The following TRIM58 variants were observed in gnomAD, a reference collection of about 807,000 sequenced individuals.
TRIM58 encodes tripartite motif containing 58, also known as E3 ubiquitin-protein ligase TRIM58.
TRIM58 carries 38 observed loss-of-function variants against 34.1 expected under a neutral mutation model. The ratio of observed to expected loss-of-function variants is 1.12; its 90% CI spans 0.86 to 1.46. The LOEUF is 1.46. Ranked by LOEUF, TRIM58 falls within the 40% of genes most tolerant of loss-of-function variation. The probability of loss-of-function intolerance (pLI) is 0.00; values close to 1 mark genes in which losing one functional copy is unlikely to be tolerated. For missense variants in TRIM58, 677 were observed against 642.0 expected (o/e 1.05, Z -0.59); for synonymous variants, 273 against 275.7 (o/e 0.99, Z 0.10).
intron 2 of TRIM58, among the ~76,000 whole-genome samples, chr1:247,864,428 A>G (rs1202807635): frequency 6.6e-6 from 1 of 152,128 alleles, no homozygotes; most frequent in East Asian, 1.9e-4. Flanking sequence ...CATTTTGTAT[A>G]TGGTACTGAA....
chr1:247,871,244 G>A (rs935822806), intron 5 of TRIM58, among the ~76,000 whole-genome samples: 4 of 152,192 alleles, frequency 2.6e-5, no homozygotes, highest in Admixed American at 1.3e-4. Context: ...CCTCCTAAAA[G>A]TAATCAATAT....
rs1013953155 is a variant in TRIM58, at chr1:247,860,704, A to C, written c.508A>C (p.Ile170Leu). Residue 170 changes from isoleucine to leucine, a missense_variant, in exon 2 of 6, where the codon ATT becomes CTT. By Grantham distance (5) the Ile-to-Leu change is conservative. Coordinates refer to ENST00000366481, the MANE Select transcript of TRIM58 (RefSeq NM_015431.4). ...GGCCAACGTGGGGAAAAAGACTGTC[A>C]TTTGGAAGGTAAGACCATGTTGGGG... Reference protein sequence around the residue: ...QEANVGKKTVIWKEKVEMQRQ... With the variant: ...QEANVGKKTVLWKEKVEMQRQ... 6.2e-7 allele frequency: 1 copy of C among 1,612,962 alleles called. No homozygotes were observed. The highest frequency in any genetic ancestry group is 1.3e-5 in the African/African-American group (1 of 74,882).
chr1:247,868,207 C>A, intron 5 of TRIM58, 144 bp downstream of exon 5: 1 of 650,518 alleles, frequency 1.5e-6, no homozygotes, highest in Admixed American at 2.8e-5. Flanking sequence ...GCTGCAGTGA[C>A]CAACAGAACC....
intron 1 of TRIM58, among the ~76,000 whole-genome samples, chr1:247,858,013 T>C (rs1327581965): frequency 6.6e-6 from 1 of 152,250 alleles, no homozygotes; most frequent in African/African-American, 2.4e-5. Flanking sequence ...TCATTCTTGG[T>C]AACAATTGTA....
At chr1:247,875,784 A>C in intron 5 of TRIM58, 116 bp from the exon 6 acceptor site, 1 of 777,106 alleles carries the variant, frequency 1.3e-6, no homozygotes, top group Non-Finnish European at 2.0e-6. Context: ...TGTTTTCTCT[A>C]GGAGTTAATA....
At position 247,857,435 on chromosome 1, in the gene TRIM58, C is replaced by T. The variant is rs1037562015; in HGVS notation, c.189C>T (p.Pro63=). Residue 63 remains proline (P), a synonymous_variant, in exon 1 of 6, where the codon CCC becomes CCT. Coordinates refer to ENST00000366481, the MANE Select transcript of TRIM58 (RefSeq NM_015431.4). ...ACGCCTGTCCGCAGTGCCGGGGCCC[C>T]TTCCGGCCCTCGGGCTTTCGCCCCA... ...GVYACPQCRG[P]FRPSGFRPNR... 3.1e-5 allele frequency: 45 copies of T among 1,452,764 alleles called. No homozygotes were observed. In the African/African-American group the frequency reaches 6.4e-4, roughly 21 times the overall value. The allele number at this position is 1,452,764 out of a possible 1,614,324, so 90.0% of individuals were successfully genotyped here.
intron 5 of TRIM58, among the ~76,000 whole-genome samples, chr1:247,872,318 T>C (rs1004008319): frequency 6.6e-6 from 1 of 152,158 alleles, no homozygotes; most frequent in African/African-American, 2.4e-5. Flanking sequence ...GAGATGATTA[T>C]GTGTTGGAAT....
rs1336896742 is a variant in TRIM58, at chr1:247,880,041, C to T, written c.*3552C>T. 6.6e-6 allele frequency among the ~76,000 whole-genome samples: 1 copy of T among 152,020 alleles called. No homozygotes were observed. The highest frequency in any genetic ancestry group is 1.9e-4 in the East Asian group (1 of 5,164). ...CTTTGTCTGTTGACAATGATACATT[C>T]AATGTTTCTCAAGCACCCCCAATGC... is the stretch of plus-strand genomic sequence containing the variant. On this transcript the variant is annotated 3_prime_UTR_variant, in exon 6 of 6. Coordinates refer to ENST00000366481, the MANE Select transcript of TRIM58 (RefSeq NM_015431.4).
At chr1:247,861,733 A>G (rs1440736908) in intron 2 of TRIM58, among the ~76,000 whole-genome samples, 3 of 152,082 alleles carry the variant, frequency 2.0e-5, no homozygotes, top group Non-Finnish European at 2.9e-5. Context: ...TATTACATAA[A>G]GACTTTTTAA....
rs752173361 is a variant in TRIM58 at position 247,876,057 on chromosome 1, AG to A, written c.1032del (p.Arg345GlyfsTer16). 6.2e-7 allele frequency: 1 copy of A among 1,614,180 alleles called. No homozygotes were observed. Among genetic ancestry groups the A allele is most frequent in the Non-Finnish European group, 8.5e-7 (1 of 1,180,030 alleles). On this transcript the variant is annotated frameshift_variant, in exon 6 of 6. Transcript: ENST00000366481. LOFTEE classifies it low-confidence loss of function (END_TRUNC). ...TCCTGGGTTTGCAGAGCTTCTCATC[AG>A]GGAGGCATTACTGGGAGGTTCTGGT... ...CILGLQSFSS[G>X]RHYWEVLVGE...
intron 5 of TRIM58, among the ~76,000 whole-genome samples, chr1:247,870,399 T>C (rs113817213): frequency 1.4e-4 from 13 of 91,252 alleles, no homozygotes; most frequent in East Asian, 4.0e-4. Flanking sequence ...CGGCCACCCA[T>C]AGAGCCTGCA....
intron 5 of TRIM58, 36 bp from the exon 6 acceptor site, chr1:247,875,863 CT>C (rs1659271696): frequency 6.4e-7 from 1 of 1,554,520 alleles, no homozygotes. Flanking sequence ...CCAGTCCTTT[CT>C]TTCCTTTCAC....
In TRIM58 at chr1:247,857,463, C is replaced by T. The variant is rs781535169; in HGVS notation, c.217C>T (p.Arg73Trp). The change falls in exon 1 of 6, where the codon CGG (arginine) becomes TGG (tryptophan). Residue 73 changes from arginine (R) to tryptophan (W), a missense_variant. By Grantham distance (101) the Arg-to-Trp change is moderately radical. Transcript: ENST00000366481. Reference protein sequence around the residue: ...PFRPSGFRPNRQLAGLVESVR... With the variant: ...PFRPSGFRPNWQLAGLVESVR... ...CCGGCCCTCGGGCTTTCGCCCCAAC[C>T]GGCAGCTGGCGGGCCTGGTGGAGAG... 7.2e-7 allele frequency: 1 copy of T among 1,379,840 alleles called. No homozygotes were observed. The highest frequency in any genetic ancestry group is 9.4e-7 in the Non-Finnish European group (1 of 1,060,480). 85.5% of individuals were successfully genotyped at this position (1,379,840 alleles called of 1,614,324 possible).
At chr1:247,871,139 G>T (rs1430568832) in intron 5 of TRIM58, among the ~76,000 whole-genome samples, 3 of 152,204 alleles carry the variant, frequency 2.0e-5, no homozygotes. Context: ...GCTGATATGA[G>T]TAACGTTACT....
intron 3 of TRIM58, among the ~76,000 whole-genome samples, chr1:247,866,338 G>A (rs541933759): frequency 4.6e-4 from 70 of 151,874 alleles, no homozygotes; most frequent in African/African-American, 1.6e-3. Flanking sequence ...CACCGCACCT[G>A]GCTAATTTTT....
chr1:247,873,952 C>T (rs189864556), intron 5 of TRIM58, among the ~76,000 whole-genome samples: 5 of 148,758 alleles, frequency 3.4e-5, no homozygotes, highest in East Asian at 3.9e-4. Flanking sequence ...GGCAACAGAG[C>T]GAGACTCCGT....
intron 5 of TRIM58, among the ~76,000 whole-genome samples, chr1:247,869,441 A>G (rs541374672): frequency 1.2e-4 from 18 of 152,364 alleles, no homozygotes; most frequent in South Asian, 8.3e-4. Context: ...ATTAGCTTAC[A>G]AAAGACACTC....
At position 247,877,374 on chromosome 1, in the gene TRIM58, C is replaced by G. The variant is rs966270337; in HGVS notation, c.*885C>G. The G allele has an allele frequency of 6.6e-6, 1 of 150,934 alleles. No homozygotes were observed. Among genetic ancestry groups the G allele is most frequent in the Non-Finnish European group, 1.5e-5 (1 of 67,874 alleles). 9.3% of individuals were successfully genotyped at this position (150,934 alleles called of 1,614,324 possible). Reference sequence around the variant, plus strand: ...GATCACAAGCTCAGGAGTTCAAGACCAGCCTGGCCAACATGGTGAAACCCT... The same window carrying G: ...GATCACAAGCTCAGGAGTTCAAGACGAGCCTGGCCAACATGGTGAAACCCT... On this transcript the variant is annotated 3_prime_UTR_variant, in exon 6 of 6. Coordinates refer to ENST00000366481, the MANE Select transcript of TRIM58 (RefSeq NM_015431.4).
In TRIM58 at chr1:247,880,018, TTGTC is replaced by T. The variant is rs563453150; in HGVS notation, c.*3533_*3536del. On this transcript the variant is annotated 3_prime_UTR_variant, in exon 6 of 6. Coordinates refer to ENST00000366481, the MANE Select transcript of TRIM58 (RefSeq NM_015431.4). ...GTAAACACCACAAGGGGAGGTATCT[TTGTC>T]TGTTGACAATGATACATTCAATGTT... Among the ~76,000 whole-genome samples, 33 of 152,198 alleles carry T rather than the reference TTGTC, an allele frequency of 2.2e-4. No homozygotes were observed. In the East Asian group the frequency reaches 3.7e-3, roughly 17 times the overall value.
Sources: gnomAD v4.1 joint callset for allele counts (sites outside exome capture counted in the v4.1 genomes callset) on GRCh38, gnomAD v4.1.1 for gene constraint, MANE v1.5 for transcripts, NCBI Gene and HGNC (gene_info 2026-07-23, HGNC 2026-07-21) for gene names.